Variants in EMG1 observed in about 807,000 individuals in gnomAD.
EMG1 encodes the protein EMG1 N1-specific pseudouridine methyltransferase, also known as ribosomal RNA small subunit methyltransferase NEP1.
In EMG1, 24 loss-of-function variants were observed where a neutral mutation model predicts 26.9. The observed-to-expected ratio is 0.89, with a 90% CI of 0.65 to 1.26. EMG1 has a LOEUF of 1.26. EMG1 is among the 50% of genes most tolerant of loss of function. The pLI, the probability that EMG1 is intolerant of heterozygous loss-of-function variation, is 0.00. For synonymous variants in EMG1, 140 were observed against 112.6 expected (o/e 1.24, Z -1.54); for missense variants, 299 against 307.6 (o/e 0.97, Z 0.21).
chr12:6,978,829 TG>T lies in EMG1; in HGVS notation c.*3021del. The T allele has an allele frequency of 8.1e-7, 1 of 1,234,060 alleles. No homozygotes were observed. The highest frequency in any genetic ancestry group is 1.1e-6 in the Non-Finnish European group (1 of 901,284). The allele number at this position is 1,234,060 out of a possible 1,614,324, so 76.4% of individuals were successfully genotyped here. A position where few individuals can be genotyped will look rare whatever the true frequency, so the allele number is the denominator to read the frequency against. On this transcript the variant is annotated 3_prime_UTR_variant, in exon 6 of 6. Transcript: ENST00000599672. ...GCCAGATGCCCTCAATAGTCTGGCCTGATTGCCTTCACAATAGGCAGAGAGG... is the reference window on the plus strand; with the variant it reads ...GCCAGATGCCCTCAATAGTCTGGCCTATTGCCTTCACAATAGGCAGAGAGG...
chr12:6,973,644 G>A (rs1946358916), intron 1 of EMG1, among the ~76,000 whole-genome samples: 2 of 152,138 alleles, frequency 1.3e-5, no homozygotes, highest in Non-Finnish European at 2.9e-5. Context: ...CTGGGTTCAT[G>A]CCATTCTCCT....
Position 6,976,607 on chromosome 12 carries a change from C to T in EMG1, c.*798C>T, listed in dbSNP as rs1946404880. ...GGGCATGGTGGCGTGCCTGTATTCC[C>T]AGCTACTTGGGAGGCTGAGGCAGGA... On this transcript the variant is annotated 3_prime_UTR_variant, in exon 6 of 6. Coordinates refer to ENST00000599672, the MANE Select transcript of EMG1 (RefSeq NM_006331.8). The T allele has an allele frequency of 1.3e-5, 2 of 153,356 alleles. No homozygotes were observed. The highest frequency in any genetic ancestry group is 2.1e-4 in the South Asian group (1 of 4,876). The allele number at this position is 153,356 out of a possible 1,614,324, so 9.5% of individuals were successfully genotyped here. A position where few individuals can be genotyped will look rare whatever the true frequency, so the allele number is the denominator to read the frequency against.
chr12:6,982,774 G>A, downstream of EMG1: 4 of 1,612,012 alleles, frequency 2.5e-6, no homozygotes, highest in Non-Finnish European at 3.4e-6. Context: ...GAGTGGTAGA[G>A]CTGGTTTCCT....
At chr12:6,981,944 TTTC>T, downstream of EMG1, 2 of 989,148 alleles carry the variant, frequency 2.0e-6, no homozygotes, top group Non-Finnish European at 1.6e-6. Context: ...ATCACTACTA[TTTC>T]TTCTCCTTGC....
At chr12:6,988,217 T>G (rs1555155011) in exon 8 of EMG1, 1 of 164,410 alleles carries the variant, frequency 6.1e-6, no homozygotes, top group Non-Finnish European at 1.3e-5. Context: ...GGTGAGGTAT[T>G]GCACACTAGC....
downstream of EMG1, among the ~76,000 whole-genome samples, chr12:6,990,655 G>A (rs996060876): frequency 4.4e-4 from 67 of 151,830 alleles, no homozygotes; most frequent in African/African-American, 1.5e-3. Flanking sequence ...GGGTGTGGTG[G>A]CTCACTCCTG....
Position 6,974,589 on chromosome 12 carries a change from C to G in EMG1, c.308C>G (p.Ala103Gly), listed in dbSNP as rs782190613. Reference protein sequence around the residue: ...LMLMDSPLNRAGLLQVYIHTQ... With the variant: ...LMLMDSPLNRGGLLQVYIHTQ... ...CTGATGGATAGTCCCCTGAACCGAG[C>G]TGGCTTGCTACAGGTTTATATCCAT... Residue 103 changes from alanine to glycine, a missense_variant, in exon 3 of 6, where the codon GCT becomes GGT. Transcript: ENST00000599672. 1 of 1,613,960 alleles carries G rather than the reference C, an allele frequency of 6.2e-7. No homozygotes were observed. Among genetic ancestry groups the G allele is most frequent in the Non-Finnish European group, 8.5e-7 (1 of 1,179,880 alleles).
downstream of EMG1, among the ~76,000 whole-genome samples, chr12:6,992,766 G>C (rs1279511870): frequency 2.0e-5 from 3 of 151,986 alleles, no homozygotes; most frequent in Non-Finnish European, 2.9e-5. Flanking sequence ...CATTGGTTTT[G>C]AATACAGTTA....
Position 6,976,745 on chromosome 12 carries a change from C to G in EMG1, c.*936C>G, listed in dbSNP as rs1418753290. The G allele has an allele frequency of 6.2e-6, 1 of 162,126 alleles. No individual in the cohort carries two copies. The highest frequency in any genetic ancestry group is 6.0e-5 in the Admixed American group (1 of 16,624). 10.0% of individuals were successfully genotyped at this position (162,126 alleles called of 1,614,324 possible). ...CTCCAAAAAAAAGTTTCCCCTTTGG[C>G]CCCAAATGAAGACTTGGCTGGCAGC... is the stretch of plus-strand genomic sequence containing the variant. On this transcript the variant is annotated 3_prime_UTR_variant, in exon 6 of 6. Coordinates refer to ENST00000599672, the MANE Select transcript of EMG1 (RefSeq NM_006331.8).
At chr12:6,986,834 G>T (rs1946531511) in intron 6 of EMG1, among the ~76,000 whole-genome samples, 1 of 151,174 alleles carries the variant, frequency 6.6e-6, no homozygotes, top group African/African-American at 2.4e-5. Context: ...ACACCTGTCG[G>T]CCGGGTGCGG....
In EMG1 at chr12:6,978,469, G is replaced by A; in HGVS notation, c.*2660G>A. ...ACTTTGCCTTGCCCTTTTCTTCAAA[G>A]CCATTGAAGCCCAGGCCCGTCAAAA... is the stretch of plus-strand genomic sequence containing the variant. On this transcript the variant is annotated 3_prime_UTR_variant, in exon 6 of 6. Coordinates refer to ENST00000599672, the MANE Select transcript of EMG1 (RefSeq NM_006331.8). The A allele has an allele frequency of 6.2e-7, 1 of 1,614,070 alleles. No homozygotes were observed. Among genetic ancestry groups the A allele is most frequent in the Non-Finnish European group, 8.5e-7 (1 of 1,179,962 alleles).
In EMG1 at chr12:6,979,057, G is replaced by A; in HGVS notation, c.*3248G>A. 3.3e-6 allele frequency: 1 copy of A among 300,530 alleles called. No individual in the cohort carries two copies. The allele number at this position is 300,530 out of a possible 1,614,324, so 18.6% of individuals were successfully genotyped here. A position where few individuals can be genotyped will look rare whatever the true frequency, so the allele number is the denominator to read the frequency against. ...CCCAGAATTACTGAACTGTTTTCAAGCCTTTCAGCTGGGCAGGAGCAAAAG... is the reference window on the plus strand; with the variant it reads ...CCCAGAATTACTGAACTGTTTTCAAACCTTTCAGCTGGGCAGGAGCAAAAG... On this transcript the variant is annotated 3_prime_UTR_variant, in exon 6 of 6. Transcript: ENST00000599672.
At chr12:6,993,978 A>C (rs1946612142) in intron 7 of EMG1, among the ~76,000 whole-genome samples, 1 of 152,140 alleles carries the variant, frequency 6.6e-6, no homozygotes, top group Non-Finnish European at 1.5e-5. Context: ...CCACTTTAGG[A>C]ACATTATGAA....
At chr12:6,994,133 G>A (rs1555155816) in intron 7 of EMG1, among the ~76,000 whole-genome samples, 1 of 152,154 alleles carries the variant, frequency 6.6e-6, no homozygotes, top group African/African-American at 2.4e-5. Flanking sequence ...CCATGTACAA[G>A]TTTTTGTGTG....
At chr12:6,997,007 T>TG (rs1384575869) in intron 7 of EMG1, among the ~76,000 whole-genome samples, 1 of 141,602 alleles carries the variant, frequency 7.1e-6, no homozygotes, top group Non-Finnish European at 1.5e-5. Flanking sequence ...AATTGATAAA[T>TG]GGGAAAAAAA....
intron 3 of EMG1, 185 bp downstream of exon 3, chr12:6,974,878 G>T: frequency 1.2e-6 from 1 of 807,982 alleles, no homozygotes; most frequent in South Asian, 1.7e-5. Flanking sequence ...TCTTGCAGTA[G>T]CTTCCTGGCT....
intron 1 of EMG1, 68 bp from the exon 2 acceptor site, chr12:6,974,271 C>T (rs1946366035): frequency 1.6e-6 from 2 of 1,214,386 alleles, no homozygotes; most frequent in African/African-American, 1.5e-5. Context: ...GGGGACCACA[C>T]TTGAAGAACC....
At chr12:6,983,901 G>A (rs782812554), downstream of EMG1, among the ~76,000 whole-genome samples, 7 of 152,130 alleles carry the variant, frequency 4.6e-5, no homozygotes, top group African/African-American at 7.2e-5. Context: ...CCAGCACTCT[G>A]GGAGGCTGAG....
Position 6,978,736 on chromosome 12 carries a change from C to A in EMG1, c.*2927C>A. On this transcript the variant is annotated 3_prime_UTR_variant, in exon 6 of 6. Coordinates refer to ENST00000599672, the MANE Select transcript of EMG1 (RefSeq NM_006331.8). The stretch of plus-strand genomic sequence containing the variant: ...GCATTAGGGATATCACATGACTAGG[C>A]AGTTTCTCTCAGCACTCTTCCTTTT... The A allele has an allele frequency of 6.2e-7, 1 of 1,604,640 alleles. No individual in the cohort carries two copies. Among genetic ancestry groups the A allele is most frequent in the South Asian group, 1.1e-5 (1 of 89,462 alleles).
Sources: gnomAD v4.1 joint callset for allele counts (sites outside exome capture counted in the v4.1 genomes callset) on GRCh38, gnomAD v4.1.1 for gene constraint, MANE v1.5 for transcripts, NCBI Gene and HGNC (gene_info 2026-07-23, HGNC 2026-07-21) for gene names.